The following FIGN variants were observed in gnomAD, a reference collection of about 807,000 sequenced individuals.
The protein encoded by FIGN is fidgetin, microtubule severing factor, also known as fidgetin.
Under a neutral mutation model 51.3 loss-of-function variants are expected in FIGN, and 11 were observed. That is an observed-to-expected ratio of 0.21 (90% CI 0.13 to 0.35). The LOEUF is 0.35. Ranked by LOEUF, FIGN falls within the 10% of genes least tolerant of loss-of-function variation. FIGN has a pLI of 1.00. For missense variants in FIGN, 857 were observed against 943.6 expected, an observed-to-expected ratio of 0.91 and a Z score of 1.20; for synonymous variants, 407 against 363.2, an observed-to-expected ratio of 1.12 and a Z score of -1.37.
intron 2 of FIGN, among the ~76,000 whole-genome samples, chr2:163,651,418 T>A (rs1683473884): frequency 6.6e-6 from 1 of 152,138 alleles, no homozygotes; most frequent in Non-Finnish European, 1.5e-5. Flanking sequence ...ATCAAGCCAC[T>A]GCACTCCAGC....
chr2:163,715,047 C>T (rs529075865), intron 2 of FIGN, among the ~76,000 whole-genome samples: 2 of 152,298 alleles, frequency 1.3e-5, no homozygotes, highest in African/African-American at 4.8e-5. Flanking sequence ...AAAAATAACA[C>T]ACCCTCCTTC....
chr2:163,663,892 A>T (rs1683731885), intron 2 of FIGN, among the ~76,000 whole-genome samples: 1 of 149,468 alleles, frequency 6.7e-6, no homozygotes, highest in Non-Finnish European at 1.5e-5. Flanking sequence ...CCAAAAGAAA[A>T]GAAAAGAAAA....
chr2:163,653,399 C>T (rs532823983), intron 2 of FIGN, among the ~76,000 whole-genome samples: 3 of 151,722 alleles, frequency 2.0e-5, no homozygotes, highest in South Asian at 2.1e-4. Flanking sequence ...GAAAAGACAA[C>T]GAAAAGACCT....
chr2:163,632,858 T>G (rs772800616), intron 2 of FIGN, among the ~76,000 whole-genome samples: 1 of 152,200 alleles, frequency 6.6e-6, no homozygotes, highest in Non-Finnish European at 1.5e-5. Context: ...ATTCCTTTCC[T>G]AATCCTGACA....
chr2:163,688,818 G>A (rs1244135283), intron 2 of FIGN, among the ~76,000 whole-genome samples: 10 of 151,978 alleles, frequency 6.6e-5, no homozygotes, highest in Non-Finnish European at 1.3e-4. Flanking sequence ...TCATGTTTTC[G>A]GTAAAGGACA....
intron 2 of FIGN, among the ~76,000 whole-genome samples, chr2:163,696,618 T>C (rs1684322981): frequency 6.6e-6 from 1 of 152,106 alleles, no homozygotes. Flanking sequence ...TCCTGTGAGA[T>C]AGTGTTATGA....
chr2:163,681,981 A>G (rs1420737294), intron 2 of FIGN, among the ~76,000 whole-genome samples: 1 of 152,216 alleles, frequency 6.6e-6, no homozygotes, highest in Non-Finnish European at 1.5e-5. Flanking sequence ...GACATATCCC[A>G]AGTGTATTTC....
chr2:163,735,229 C>A (rs1003434978), intron 1 of FIGN, among the ~76,000 whole-genome samples, 157 bp from the exon 2 acceptor site: 3 of 152,168 alleles, frequency 2.0e-5, no homozygotes. Context: ...CCGGGGAGGA[C>A]GGTAATAGGA....
chr2:163,671,154 T>C (rs1683869050), intron 2 of FIGN, among the ~76,000 whole-genome samples: 2 of 152,302 alleles, frequency 1.3e-5, no homozygotes, highest in South Asian at 4.1e-4. Flanking sequence ...TTTCTATGAG[T>C]GCTGAAGGTG....
intron 2 of FIGN, among the ~76,000 whole-genome samples, chr2:163,681,968 T>C (rs1018131500): frequency 1.3e-5 from 2 of 152,172 alleles, no homozygotes; most frequent in Non-Finnish European, 1.5e-5. Flanking sequence ...TCACACCGGA[T>C]TGGACATATC....
At chr2:163,634,364 A>G (rs1188763168) in intron 2 of FIGN, among the ~76,000 whole-genome samples, 3 of 152,106 alleles carry the variant, frequency 2.0e-5, no homozygotes, top group African/African-American at 7.2e-5. Context: ...AGTATATTGT[A>G]TATGCTACTA....
chr2:163,716,108 G>A (rs1684662874), intron 2 of FIGN, among the ~76,000 whole-genome samples: 2 of 152,158 alleles, frequency 1.3e-5, no homozygotes, highest in Admixed American at 6.5e-5. Flanking sequence ...ATAGTTGTCT[G>A]TATGAATCAG....
intron 2 of FIGN, among the ~76,000 whole-genome samples, chr2:163,629,009 T>C (rs1374914583): frequency 6.6e-6 from 1 of 152,122 alleles, no homozygotes; most frequent in Non-Finnish European, 1.5e-5. Flanking sequence ...GTACAAGCAA[T>C]GGGTTGGCTG....
At chr2:163,655,675 CCACAT>C (rs745690218) in intron 2 of FIGN, among the ~76,000 whole-genome samples, 70 of 152,070 alleles carry the variant, frequency 4.6e-4, no homozygotes, top group Non-Finnish European at 8.4e-4. Context: ...TATCTCTCTC[CCACAT>C]ATATCTTAGT....
chr2:163,678,551 G>A (rs886110016), intron 2 of FIGN, among the ~76,000 whole-genome samples: 1 of 152,132 alleles, frequency 6.6e-6, no homozygotes, highest in African/African-American at 2.4e-5. Flanking sequence ...TCTAAACTAT[G>A]AGAGCTTTCC....
At chr2:163,631,429 G>T (rs558945478) in intron 2 of FIGN, among the ~76,000 whole-genome samples, 1 of 152,224 alleles carries the variant, frequency 6.6e-6, no homozygotes, top group Admixed American at 6.5e-5. Flanking sequence ...AACTATCCTT[G>T]TTTGGGTAGT....
chr2:163,651,624 T>C (rs1412051858), intron 2 of FIGN, among the ~76,000 whole-genome samples: 1 of 152,196 alleles, frequency 6.6e-6, no homozygotes, highest in East Asian at 1.9e-4. Context: ...ATAAGACATG[T>C]AATGCTTTAA....
At chr2:163,667,379 A>G (rs535894916) in intron 2 of FIGN, among the ~76,000 whole-genome samples, 1 of 152,108 alleles carries the variant, frequency 6.6e-6, no homozygotes, top group East Asian at 1.9e-4. Context: ...AAATGTAAAC[A>G]TATCTTTGAC....
intron 2 of FIGN, among the ~76,000 whole-genome samples, chr2:163,678,629 A>T (rs1397413720): frequency 6.6e-6 from 1 of 152,182 alleles, no homozygotes; most frequent in Non-Finnish European, 1.5e-5. Flanking sequence ...TTGAGTCACT[A>T]ATACTTGAGG....
Sources: gnomAD v4.1 joint callset for allele counts (sites outside exome capture counted in the v4.1 genomes callset) on GRCh38, gnomAD v4.1.1 for gene constraint, MANE v1.5 for transcripts, NCBI Gene and HGNC (gene_info 2026-07-23, HGNC 2026-07-21) for gene names.